Variants in CDH8 observed in about 807,000 individuals in gnomAD.
CDH8 encodes the protein cadherin 8.
A neutral mutation model predicts 68.1 loss-of-function variants in CDH8; 17 were observed. The ratio of observed to expected loss-of-function variants is 0.25; its 90% CI spans 0.17 to 0.37. The LOEUF is 0.37. Among genes scored for constraint, CDH8 ranks in the 10% least tolerant of loss-of-function variants. The probability of loss-of-function intolerance (pLI) is 1.00; values close to 1 mark genes in which losing one functional copy is unlikely to be tolerated. For missense variants in CDH8, 763 were observed against 999.3 expected (o/e 0.76, Z 3.19); for synonymous variants, 372 against 365.1 (o/e 1.02, Z -0.21).
chr16:61,689,720 T>C (rs1964180945), intron 10 of CDH8, among the ~76,000 whole-genome samples: 1 of 152,060 alleles, frequency 6.6e-6, no homozygotes, highest in Admixed American at 6.6e-5. Flanking sequence ...TTATTTTTCT[T>C]CAGTGATGAT....
chr16:61,824,937 C>T, intron 5 of CDH8, 75 bp downstream of exon 5: 1 of 1,276,090 alleles, frequency 7.8e-7, no homozygotes, highest in Non-Finnish European at 1.1e-6. Flanking sequence ...TTTTAATTAT[C>T]ACTAAAAATT....
intron 2 of CDH8, among the ~76,000 whole-genome samples, chr16:61,971,348 T>C (rs1965337606): frequency 6.6e-6 from 1 of 152,162 alleles, no homozygotes; most frequent in Non-Finnish European, 1.5e-5. Context: ...AGGCTGTATA[T>C]AAAGATTCCC....
chr16:61,975,112 T>A (rs560190008), intron 2 of CDH8, among the ~76,000 whole-genome samples: 1 of 152,172 alleles, frequency 6.6e-6, no homozygotes, highest in South Asian at 2.1e-4. Context: ...TTTCATTTTA[T>A]CCTCACAAAA....
At chr16:61,833,029 A>C (rs1446059584) in intron 4 of CDH8, among the ~76,000 whole-genome samples, 1 of 151,690 alleles carries the variant, frequency 6.6e-6, no homozygotes, top group Non-Finnish European at 1.5e-5. Flanking sequence ...TTATTTTTGT[A>C]GAACTATTAC....
rs1215933182 is a variant in CDH8 at position 61,901,173 on chromosome 16, A to T, written c.547+6T>A. On this transcript the variant is annotated splice_donor_region_variant and intron_variant, in intron 3 of 11. Transcript: ENST00000577390. ...AATAGATCTGTGAAATTGGAAGCATACATACCCAAAATGGACATTTCTGGC... is the reference window on the plus strand; with the variant it reads ...AATAGATCTGTGAAATTGGAAGCATTCATACCCAAAATGGACATTTCTGGC... 6.2e-7 allele frequency: 1 copy of T among 1,611,016 alleles called. No individual in the cohort carries two copies. The highest frequency in any genetic ancestry group is 1.7e-5 in the Admixed American group (1 of 59,766).
intron 8 of CDH8, among the ~76,000 whole-genome samples, chr16:61,783,586 A>G (rs1438643298): frequency 6.6e-6 from 1 of 150,538 alleles, no homozygotes; most frequent in African/African-American, 2.5e-5. Flanking sequence ...AATACAGAGA[A>G]CGCCACAAAG....
intron 2 of CDH8, among the ~76,000 whole-genome samples, chr16:61,962,376 G>A (rs916101024): frequency 6.6e-6 from 1 of 152,150 alleles, no homozygotes; most frequent in Non-Finnish European, 1.5e-5. Context: ...AAGTGGGGCA[G>A]GAAGATATAA....
At chr16:61,850,876 T>C (rs1055949532) in intron 4 of CDH8, among the ~76,000 whole-genome samples, 1 of 152,108 alleles carries the variant, frequency 6.6e-6, no homozygotes, top group Admixed American at 6.6e-5. Context: ...TTATGTGTAG[T>C]ATTTATCACA....
At position 61,688,815 on chromosome 16, in the gene CDH8, G is replaced by C. The variant is rs527401533; in HGVS notation, c.1654+25026C>G. 2.0e-5 allele frequency among the ~76,000 whole-genome samples: 3 copies of C among 152,032 alleles called. 1 individual carries two copies. Among genetic ancestry groups the C allele is most frequent in the Admixed American group, 2.0e-4 (3 of 15,236 alleles). On this transcript the variant is annotated intron_variant, in intron 10 of 11. Transcript: ENST00000577390. ...TAGGTCAACTACAACATCAGTTCTAGTGGTCTTTATGATCTTCAAAGCGAT... is the reference window on the plus strand; with the variant it reads ...TAGGTCAACTACAACATCAGTTCTACTGGTCTTTATGATCTTCAAAGCGAT...
chr16:61,977,916 C>A (rs1965467108), intron 2 of CDH8, among the ~76,000 whole-genome samples: 2 of 152,058 alleles, frequency 1.3e-5, no homozygotes, highest in African/African-American at 4.8e-5. Flanking sequence ...CAGTACATAT[C>A]CGCTTTAATG....
At chr16:61,681,575 T>C (rs1321859342) in intron 10 of CDH8, among the ~76,000 whole-genome samples, 7 of 151,474 alleles carry the variant, frequency 4.6e-5, no homozygotes, top group Admixed American at 4.0e-4. Context: ...TTTGAGGTGA[T>C]AGAAATGTTC....
chr16:61,690,215 T>G (rs1255786629), intron 10 of CDH8, among the ~76,000 whole-genome samples: 1 of 152,030 alleles, frequency 6.6e-6, no homozygotes, highest in African/African-American at 2.4e-5. Context: ...CTTGAGGGCA[T>G]TGTTGAGAAG....
chr16:61,879,186 AT>A (rs200108998), intron 3 of CDH8, among the ~76,000 whole-genome samples: 2,119 of 152,326 alleles, frequency 0.014, 14 homozygotes, highest in Middle Eastern at 0.017. Flanking sequence ...GATGACAACA[AT>A]TTAAAAAAAA....
At chr16:61,668,751 T>C (rs1963731163) in intron 10 of CDH8, among the ~76,000 whole-genome samples, 1 of 151,356 alleles carries the variant, frequency 6.6e-6, no homozygotes, top group Non-Finnish European at 1.5e-5. Flanking sequence ...AGCAGGTAAA[T>C]ATCCAGACAT....
chr16:61,821,058 C>T lies in CDH8; in HGVS notation c.891G>A (p.Arg297=), dbSNP rs748883362. 11 of 1,612,554 alleles carry T rather than the reference C, an allele frequency of 6.8e-6. No individual in the cohort carries two copies. The Admixed American group carries it at 1.0e-4, about 15-fold the overall frequency. Residue 297 remains arginine, a synonymous_variant, in exon 6 of 12, where the codon AGG becomes AGA. Transcript: ENST00000577390. ...CAATATCCTGATCATTGGCCTTCAC[C>T]CTTCCTATTGCAGTGCCAAGAACCA... is the stretch of plus-strand genomic sequence containing the variant. The part of the protein sequence containing the change: ...EDVVLGTAIG[R]VKANDQDIGE...
At chr16:61,721,819 AT>A (rs1413161662) in intron 9 of CDH8, among the ~76,000 whole-genome samples, 8 of 150,770 alleles carry the variant, frequency 5.3e-5, no homozygotes, top group Non-Finnish European at 1.0e-4. Context: ...TTTAAAATTC[AT>A]TTTTGCCACT....
At chr16:61,696,100 G>A (rs16963858) in intron 10 of CDH8, among the ~76,000 whole-genome samples, 6 of 152,062 alleles carry the variant, frequency 3.9e-5, no homozygotes, top group African/African-American at 7.2e-5. Flanking sequence ...ACTACAATTC[G>A]TAACTTTCTG....
At chr16:61,762,014 A>G (rs1405750871) in intron 8 of CDH8, among the ~76,000 whole-genome samples, 2 of 152,128 alleles carry the variant, frequency 1.3e-5, no homozygotes, top group African/African-American at 2.4e-5. Context: ...AAATAAGTAA[A>G]AAGAAAAGGA....
intron 8 of CDH8, among the ~76,000 whole-genome samples, chr16:61,755,847 G>A (rs765514352): frequency 5.3e-5 from 8 of 150,588 alleles, no homozygotes; most frequent in African/African-American, 9.8e-5. Context: ...AGGGTCTCGC[G>A]TCTCGCTCTG....
Sources: gnomAD v4.1 joint callset for allele counts (sites outside exome capture counted in the v4.1 genomes callset) on GRCh38, gnomAD v4.1.1 for gene constraint, MANE v1.5 for transcripts, NCBI Gene and HGNC (gene_info 2026-07-23, HGNC 2026-07-21) for gene names.